Variants in CCDC73 observed in about 807,000 individuals in gnomAD.
CCDC73 encodes coiled-coil domain containing 73, also known as coiled-coil domain-containing protein 73.
CCDC73 carries 95 observed loss-of-function variants against 116.5 expected under a neutral mutation model. The ratio of observed to expected loss-of-function variants is 0.82; its 90% CI spans 0.69 to 0.97. CCDC73 has a LOEUF of 0.97. CCDC73 is among the 50% of genes least tolerant of loss of function. The probability of loss-of-function intolerance (pLI) is 0.00; values close to 1 mark genes in which losing one functional copy is unlikely to be tolerated. For synonymous variants in CCDC73, 398 were observed against 401.3 expected (o/e 0.99, Z 0.10); for missense variants, 1,066 against 1,206.8 (o/e 0.88, Z 1.73).
At chr11:32,684,864 C>CA (rs1856179973) in intron 6 of CCDC73, among the ~76,000 whole-genome samples, 1 of 152,032 alleles carries the variant, frequency 6.6e-6, no homozygotes, top group Non-Finnish European at 1.5e-5. Flanking sequence ...CCTGTGATCC[C>CA]AGCTACTCGG....
At chr11:32,739,104 G>A (rs746573857) in intron 2 of CCDC73, among the ~76,000 whole-genome samples, 1 of 152,126 alleles carries the variant, frequency 6.6e-6, no homozygotes, top group Non-Finnish European at 1.5e-5. Flanking sequence ...TAGTTCTGTA[G>A]TATAATTTGA....
intron 6 of CCDC73, among the ~76,000 whole-genome samples, chr11:32,684,546 C>A (rs1357256769): frequency 6.6e-6 from 1 of 152,160 alleles, no homozygotes; most frequent in African/African-American, 2.4e-5. Context: ...TACCTAATCA[C>A]TCATGTTTAT....
At chr11:32,703,576 AG>A (rs566359161) in intron 3 of CCDC73, among the ~76,000 whole-genome samples, 45 of 152,336 alleles carry the variant, frequency 3.0e-4, no homozygotes, top group Non-Finnish European at 5.6e-4. Flanking sequence ...TAACAGTCCT[AG>A]TATACAAGCA....
chr11:32,671,254 T>C (rs890406144), intron 9 of CCDC73, among the ~76,000 whole-genome samples: 2 of 152,130 alleles, frequency 1.3e-5, no homozygotes, highest in Non-Finnish European at 2.9e-5. Flanking sequence ...TGACATTTAC[T>C]CAGACAAACA....
chr11:32,753,825 T>G lies in CCDC73; in HGVS notation c.135+6284A>C, dbSNP rs115832951. Among the ~76,000 whole-genome samples the G allele has an allele frequency of 7.2e-3, 1,097 of 152,100 alleles. 17 individuals carry two copies. Among genetic ancestry groups the G allele is most frequent in the African/African-American group, 0.025 (1,057 of 41,512 alleles). On this transcript the variant is annotated intron_variant, in intron 2 of 17. Coordinates refer to ENST00000335185, the MANE Select transcript of CCDC73 (RefSeq NM_001008391.4). ...TGGGGTCACATCATGTTGCCCAGGT[T>G]GTTTTCAAACTTCTGGCTTCAAGTG...
At chr11:32,775,312 A>AT (rs1405197659) in intron 1 of CCDC73, among the ~76,000 whole-genome samples, 6 of 152,148 alleles carry the variant, frequency 3.9e-5, no homozygotes, top group African/African-American at 1.4e-4. Flanking sequence ...TTCTGTCTGG[A>AT]ATGCTCTATA....
chr11:32,771,874 G>A (rs778477898), intron 1 of CCDC73, among the ~76,000 whole-genome samples: 7 of 152,144 alleles, frequency 4.6e-5, no homozygotes, highest in Non-Finnish European at 7.4e-5. Flanking sequence ...AATTTGTTTT[G>A]GTCAGTAGGC....
chr11:32,603,334 C>A (rs1855302069), intron 17 of CCDC73: 1 of 233,974 alleles, frequency 4.3e-6, no homozygotes, highest in African/African-American at 2.4e-5. Context: ...TGGAAGTTGG[C>A]ATGTTTTCAA....
Position 32,614,559 on chromosome 11 carries a change from T to C in CCDC73, c.1759A>G (p.Thr587Ala), listed in dbSNP as rs775769027. 6.2e-7 allele frequency: 1 copy of C among 1,612,618 alleles called. No individual in the cohort carries two copies. The highest frequency in any genetic ancestry group is 1.7e-5 in the Admixed American group (1 of 59,906). Residue 587 changes from threonine (T) to alanine (A), a missense_variant, in exon 16 of 18, where the codon ACA becomes GCA. Thr to Ala is a moderately conservative substitution (Grantham distance 58). Transcript: ENST00000335185. ...NSILNETAHN[T>A]YHNNNKDVSE... ...ACATCTTTATTATTATTGTGATATG[T>C]ATTGTGTGCTGTCTCATTTAAAATA...
chr11:32,742,001 T>C (rs1464675736), intron 2 of CCDC73, among the ~76,000 whole-genome samples: 2 of 152,226 alleles, frequency 1.3e-5, no homozygotes, highest in Non-Finnish European at 2.9e-5. Flanking sequence ...TCCTTTCTTA[T>C]GGCTGCATAG....
intron 2 of CCDC73, among the ~76,000 whole-genome samples, chr11:32,758,845 A>G (rs984800255): frequency 3.4e-4 from 52 of 152,272 alleles, no homozygotes; most frequent in African/African-American, 1.2e-3. Flanking sequence ...TTACAAAAAC[A>G]CTTCTTTATA....
intron 1 of CCDC73, among the ~76,000 whole-genome samples, chr11:32,787,511 T>C (rs983405677): frequency 1.1e-4 from 17 of 152,212 alleles, no homozygotes; most frequent in East Asian, 3.8e-4. Context: ...CCAAAAAAAT[T>C]ATTTGGTAAA....
chr11:32,674,760 T>C (rs1303758223), intron 9 of CCDC73, among the ~76,000 whole-genome samples: 1 of 152,194 alleles, frequency 6.6e-6, no homozygotes, highest in East Asian at 1.9e-4. Context: ...CCAATGCCTA[T>C]GGTCAGAAGA....
the CCDC73 span, among the ~76,000 whole-genome samples, chr11:32,820,893 A>G: frequency 6.6e-6 from 1 of 152,036 alleles, no homozygotes. Context: ...TGAATTGTCT[A>G]TGTGTTATAT....
chr11:32,701,461 G>A (rs1849810061), intron 4 of CCDC73, among the ~76,000 whole-genome samples: 2 of 152,060 alleles, frequency 1.3e-5, no homozygotes, highest in Admixed American at 6.6e-5. Flanking sequence ...AATACTTTGG[G>A]AAGCTGAGGC....
chr11:32,776,938 T>A (rs2223886), intron 1 of CCDC73, among the ~76,000 whole-genome samples: 11,192 of 36,776 alleles, frequency 0.3, 583 homozygotes, highest in African/African-American at 0.39. Flanking sequence ...AAAAAAAAAA[T>A]ATATATATAT....
intron 12 of CCDC73, among the ~76,000 whole-genome samples, chr11:32,648,897 A>C (rs1017934711): frequency 2.0e-5 from 3 of 152,196 alleles, no homozygotes; most frequent in Admixed American, 1.3e-4. Flanking sequence ...CTTTTGGCTA[A>C]GATTAAGTAT....
intron 1 of CCDC73, among the ~76,000 whole-genome samples, chr11:32,765,677 G>C (rs1048087645): frequency 3.3e-5 from 5 of 152,180 alleles, no homozygotes; most frequent in Admixed American, 2.0e-4. Flanking sequence ...ATCTAAAATT[G>C]ACACCCTAAC....
At chr11:32,743,318 G>A (rs1395050933) in intron 2 of CCDC73, among the ~76,000 whole-genome samples, 2 of 151,870 alleles carry the variant, frequency 1.3e-5, no homozygotes, top group Non-Finnish European at 2.9e-5. Context: ...ACAACAAACT[G>A]TCTCTGAGAC....
Sources: allele counts gnomAD v4.1 joint callset (sites outside exome capture counted in the v4.1 genomes callset), GRCh38; gene constraint gnomAD v4.1.1; transcripts MANE v1.5; gene names NCBI Gene and HGNC (gene_info 2026-07-23, HGNC 2026-07-21).